Variants in E2F1 observed in about 807,000 individuals in gnomAD.
The protein encoded by E2F1 is E2F transcription factor 1.
E2F1 carries 7 observed loss-of-function variants against 36.9 expected under a neutral mutation model. That is an observed-to-expected ratio of 0.19 (90% CI 0.11 to 0.36). The LOEUF (loss-of-function observed/expected upper bound fraction) is 0.36. Among genes scored for constraint, E2F1 ranks in the 10% least tolerant of loss-of-function variants. The pLI, the probability that E2F1 is intolerant of heterozygous loss-of-function variation, is 1.00. For synonymous variants in E2F1, 261 were observed against 263.1 expected, an observed-to-expected ratio of 0.99 and a Z score of 0.08; for missense variants, 406 against 573.6, an observed-to-expected ratio of 0.71 and a Z score of 2.99.
At position 33,676,928 on chromosome 20, in the gene E2F1, C is replaced by T. The variant is rs796465642; in HGVS notation, c.1118G>A (p.Arg373His). The change falls in exon 7 of 7, where the codon CGC becomes CAC. Residue 373 changes from arginine (R) to histidine (H), a missense_variant. Arg to His is a conservative substitution (Grantham distance 29). Transcript: ENST00000343380. ...GSLRAPVDED[R>H]LSPLVAADSL... is the part of the protein sequence containing the mutation. ...GTCGGCCGCCACCAGCGGGGACAGGCGGTCCTCGTCCACGGGAGCCCGCAG... is the reference window on the plus strand; with the variant it reads ...GTCGGCCGCCACCAGCGGGGACAGGTGGTCCTCGTCCACGGGAGCCCGCAG... The T allele has an allele frequency of 2.7e-5, 42 of 1,564,338 alleles. No individual in the cohort carries two copies. The highest frequency in any genetic ancestry group is 8.1e-5 in the African/African-American group (6 of 73,854).
At chr20:33,684,056 C>G (rs1000518535) in intron 1 of E2F1, among the ~76,000 whole-genome samples, 1 of 152,198 alleles carries the variant, frequency 6.6e-6, no homozygotes, top group Non-Finnish European at 1.5e-5. Context: ...CTTAAGTACA[C>G]TGGGGGCCAG....
chr20:33,678,365 C>A lies in E2F1; in HGVS notation c.573-12G>T, dbSNP rs1166560773. ...TGGTGTGGCTGCCCCTGTGGGGAGG[C>A]ACCAGGGAGGGTAGGGTTAACAGCG... On this transcript the variant is annotated splice_polypyrimidine_tract_variant and intron_variant, in intron 3 of 6. Transcript: ENST00000343380. 6.2e-7 allele frequency: 1 copy of A among 1,611,370 alleles called. No individual in the cohort carries two copies. Among genetic ancestry groups the A allele is most frequent in the African/African-American group, 1.3e-5 (1 of 74,880 alleles).
At chr20:33,680,446 A>G in intron 1 of E2F1, 30 bp from the exon 2 acceptor site, 1 of 1,605,690 alleles carries the variant, frequency 6.2e-7, no homozygotes, top group East Asian at 2.2e-5. Context: ...ATGCCCAGTA[A>G]CCAGGAGTGA....
At chr20:33,682,874 G>A (rs1012327999) in intron 1 of E2F1, among the ~76,000 whole-genome samples, 2 of 152,096 alleles carry the variant, frequency 1.3e-5, no homozygotes, top group African/African-American at 4.8e-5. Flanking sequence ...ACTGTCACAG[G>A]GCGATATATT....
chr20:33,678,312 C>T lies in E2F1; in HGVS notation c.614G>A (p.Gly205Glu), dbSNP rs750422437. The T allele has an allele frequency of 1.2e-6, 2 of 1,612,756 alleles. No homozygotes were observed. The highest frequency in any genetic ancestry group is 1.7e-6 in the Non-Finnish European group (2 of 1,180,010). The part of the protein sequence containing the change: ...TTVGVGGRLE[G>E]LTQDLRQLQE... The stretch of plus-strand genomic sequence containing the variant: ...CAGCTGTCGGAGGTCCTGGGTCAAC[C>T]CCTCAAGCCGTCCGCCGACGCCCAC... The change falls in exon 4 of 7, where the codon GGG (glycine) becomes GAG (glutamate). Residue 205 changes from glycine to glutamate, a missense_variant. Physicochemically the swap from Gly to Glu is moderately conservative, Grantham distance 98. This residue lies in a region of E2F1 where 93 missense variants were observed against 143.3 expected (regional missense o/e 0.65). Coordinates refer to ENST00000343380, the MANE Select transcript of E2F1 (RefSeq NM_005225.3).
chr20:33,676,622 T>G lies in E2F1; in HGVS notation c.*110A>C. 7.0e-7 allele frequency: 1 copy of G among 1,420,176 alleles called. No individual in the cohort carries two copies. The highest frequency in any genetic ancestry group is 9.3e-7 in the Non-Finnish European group (1 of 1,071,282). 88.0% of individuals were successfully genotyped at this position (1,420,176 alleles called of 1,614,324 possible). A position where few individuals can be genotyped will look rare whatever the true frequency, so the allele number is the denominator to read the frequency against. The stretch of plus-strand genomic sequence containing the variant: ...AGCTTCTGGAGACAGAGGAGAGGGG[T>G]ATAAATTAAATGTTTCCAAACAGGC... On this transcript the variant is annotated 3_prime_UTR_variant, in exon 7 of 7. Coordinates refer to ENST00000343380, the MANE Select transcript of E2F1 (RefSeq NM_005225.3).
chr20:33,685,421 G>A (rs907502345), intron 1 of E2F1, among the ~76,000 whole-genome samples: 1 of 152,034 alleles, frequency 6.6e-6, no homozygotes, highest in African/African-American at 2.4e-5. Context: ...AGGAAGGAGG[G>A]TCTCCTCAAT....
In E2F1 at chr20:33,680,331, C is replaced by A; in HGVS notation, c.347G>T (p.Gly116Val). 1 of 1,614,172 alleles carries A rather than the reference C, an allele frequency of 6.2e-7. No individual in the cohort carries two copies. Among genetic ancestry groups the A allele is most frequent in the East Asian group, 2.2e-5 (1 of 44,888 alleles). ...GPARGRGRHP[G>V]KGVKSPGEKS... is the part of the protein sequence containing the mutation. ...AGCCCAAGCTCCATAGGTACCTTTT[C>A]CTGGATGGCGGCCTCTGCCCCGAGC... Residue 116 changes from glycine to valine, a missense_variant, in exon 2 of 7, where the codon GGA (glycine) becomes GTA (valine). Transcript: ENST00000343380.
chr20:33,685,636 A>C (rs1282523781), intron 1 of E2F1, among the ~76,000 whole-genome samples: 1 of 152,198 alleles, frequency 6.6e-6, no homozygotes, highest in Non-Finnish European at 1.5e-5. Flanking sequence ...AGATGGGCAC[A>C]GTGACAACAC....
intron 1 of E2F1, among the ~76,000 whole-genome samples, chr20:33,682,227 C>A (rs369847438): frequency 2.0e-5 from 3 of 152,074 alleles, no homozygotes; most frequent in Non-Finnish European, 4.4e-5. Flanking sequence ...CTGAATGAAC[C>A]CCCCCCATGC....
intron 1 of E2F1, among the ~76,000 whole-genome samples, chr20:33,681,069 C>T (rs797004974): frequency 5.9e-5 from 9 of 152,146 alleles, no homozygotes; most frequent in South Asian, 2.1e-4. Flanking sequence ...GACAGGGTAT[C>T]GCTCTGTTGA....
intron 6 of E2F1, 54 bp from the exon 7 acceptor site, chr20:33,677,033 A>G: frequency 6.4e-7 from 1 of 1,561,148 alleles, no homozygotes; most frequent in South Asian, 1.2e-5. Flanking sequence ...GGAGGAAGGC[A>G]GGGGCTGTCG....
intron 2 of E2F1, 129 bp downstream of exon 2, chr20:33,680,197 A>G: frequency 3.7e-6 from 4 of 1,087,040 alleles, no homozygotes; most frequent in East Asian, 2.6e-5. Context: ...CCAACTGCCC[A>G]TCAGGGTCCT....
intron 2 of E2F1, 26 bp downstream of exon 2, chr20:33,680,300 C>G: frequency 6.2e-7 from 1 of 1,608,912 alleles, no homozygotes; most frequent in Non-Finnish European, 8.5e-7. Context: ...CACAGGGGGT[C>G]TGCCCAGCCC....
chr20:33,677,609 C>A (rs2017977572), intron 4 of E2F1, 69 bp from the exon 5 acceptor site: 36 of 1,239,976 alleles, frequency 2.9e-5, no homozygotes, highest in Non-Finnish European at 4.0e-5. Flanking sequence ...GCTCACAAGG[C>A]AGGGCTCACA....
At position 33,676,831 on chromosome 20, in the gene E2F1, G is replaced by C. The variant is rs1192785206; in HGVS notation, c.1215C>G (p.Pro405=). 2 of 1,596,032 alleles carry C rather than the reference G, an allele frequency of 1.3e-6. No individual in the cohort carries two copies. The highest frequency in any genetic ancestry group is 4.6e-5 in the East Asian group (2 of 43,600). Residue 405 remains proline, a synonymous_variant, in exon 7 of 7, where the codon CCC becomes CCG. Transcript: ENST00000343380. The stretch of plus-strand genomic sequence containing the variant: ...CGAAGTGGTAGTCGAGGGCCTCGTG[G>C]GGTGGGGAAAGGCTGATGAACTCCT... ...LPEEFISLSP[P]HEALDYHFGL... is the part of the protein sequence containing the mutation.
At chr20:33,684,651 GCA>G (rs1436992239) in intron 1 of E2F1, among the ~76,000 whole-genome samples, 6 of 152,152 alleles carry the variant, frequency 3.9e-5, no homozygotes, top group African/African-American at 9.7e-5. Flanking sequence ...AAAGCGCTTG[GCA>G]CAGAGCCTGG....
At chr20:33,680,177 G>T in intron 2 of E2F1, 149 bp downstream of exon 2, 1 of 939,040 alleles carries the variant, frequency 1.1e-6, no homozygotes, top group Non-Finnish European at 1.6e-6. Flanking sequence ...AACCAAGCCA[G>T]GTGGCCACTC....
Position 33,676,113 on chromosome 20 carries a change from C to T in E2F1, c.*619G>A, listed in dbSNP as rs1444524991. ...AGAGGGAGTTGGGGTATCAACCCCA[C>T]ACCCCTCCTCCCCTTTGCTGATTCC... is the stretch of plus-strand genomic sequence containing the variant. On this transcript the variant is annotated 3_prime_UTR_variant, in exon 7 of 7. Transcript: ENST00000343380. 1.3e-5 allele frequency: 2 copies of T among 152,800 alleles called. No homozygotes were observed. The highest frequency in any genetic ancestry group is 1.3e-4 in the Admixed American group (2 of 15,290). 9.5% of individuals were successfully genotyped at this position (152,800 alleles called of 1,614,324 possible). A position where few individuals can be genotyped will look rare whatever the true frequency, so the allele number is the denominator to read the frequency against.
Sources: gnomAD v4.1 joint callset for allele counts (sites outside exome capture counted in the v4.1 genomes callset) on GRCh38, gnomAD v4.1.1 for gene constraint, gnomAD v4.1.1 regional missense constraint, MANE v1.5 for transcripts, NCBI Gene and HGNC (gene_info 2026-07-23, HGNC 2026-07-21) for gene names.